Variants in XKR4 observed in about 807,000 individuals in gnomAD.
XKR4 encodes the protein XK related 4.
Under a neutral mutation model 53.9 loss-of-function variants are expected in XKR4, and 12 were observed. The ratio of observed to expected loss-of-function variants is 0.22; its 90% CI spans 0.14 to 0.36. The LOEUF (loss-of-function observed/expected upper bound fraction) is 0.36, where lower values mean the gene tolerates loss of function less well. Among genes scored for constraint, XKR4 ranks in the 10% least tolerant of loss-of-function variants. XKR4 has a pLI of 1.00. For missense variants in XKR4, 799 were observed against 859.5 expected (o/e 0.93, Z 0.88); for synonymous variants, 354 against 362.4 (o/e 0.98, Z 0.26).
intron 1 of XKR4, among the ~76,000 whole-genome samples, chr8:55,278,672 T>G (rs58337733): frequency 0.23 from 35,050 of 152,104 alleles, 4,413 homozygotes; most frequent in East Asian, 0.48. Flanking sequence ...TGTCATAATT[T>G]TATAAAATAT....
At chr8:55,451,530 T>C in intron 2 of XKR4, 1 of 1,031,766 alleles carries the variant, frequency 9.7e-7, no homozygotes, top group South Asian at 1.4e-5. Context: ...AGAGTCCGAC[T>C]ACACCTATGC....
chr8:55,355,359 C>T (rs999149449), intron 1 of XKR4, among the ~76,000 whole-genome samples: 25 of 152,048 alleles, frequency 1.6e-4, no homozygotes, highest in African/African-American at 6.0e-4. Flanking sequence ...TCAAAAGAAA[C>T]TGTTAGACAC....
chr8:55,112,685 T>C (rs1160477245), intron 1 of XKR4, among the ~76,000 whole-genome samples: 4 of 147,940 alleles, frequency 2.7e-5, no homozygotes, highest in African/African-American at 9.9e-5. Context: ...GTTCATGGCA[T>C]AGTCACTGTA....
At position 55,523,523 on chromosome 8, in the gene XKR4, G is replaced by C. The variant is rs761395206; in HGVS notation, c.1249G>C (p.Val417Leu). The C allele has an allele frequency of 6.2e-7, 1 of 1,614,018 alleles. No homozygotes were observed. Among genetic ancestry groups the C allele is most frequent in the Non-Finnish European group, 8.5e-7 (1 of 1,180,028 alleles). The part of the protein sequence containing the change: ...LHWCIMTFWI[V>L]HCETEFCITK... The stretch of plus-strand genomic sequence containing the variant: ...CTGGTGCATCATGACCTTCTGGATC[G>C]TCCACTGTGAGACAGAATTCTGTAT... Residue 417 changes from valine to leucine, a missense_variant, in exon 3 of 3, where the codon GTC becomes CTC. Transcript: ENST00000327381.
chr8:55,493,674 G>A (rs1330865640), intron 2 of XKR4, among the ~76,000 whole-genome samples: 2 of 152,172 alleles, frequency 1.3e-5, no homozygotes, highest in Admixed American at 6.5e-5. Context: ...AATAACTGTG[G>A]TTTCTGTTAT....
At chr8:55,504,507 T>C (rs938865148) in intron 2 of XKR4, among the ~76,000 whole-genome samples, 8 of 152,018 alleles carry the variant, frequency 5.3e-5, no homozygotes, top group Admixed American at 2.0e-4. Flanking sequence ...GAGCCACCGT[T>C]CCCAGCTGTA....
Position 55,478,724 on chromosome 8 carries a change from A to G in XKR4, c.1007-44557A>G, listed in dbSNP as rs562725882. On this transcript the variant is annotated intron_variant, in intron 2 of 2. Transcript: ENST00000327381. ...AGGAAGATCTACCAAGCAAATGGAA[A>G]ACAAAAAAAGGCAGGGGTTGCAATC... is the stretch of plus-strand genomic sequence containing the variant. Among the ~76,000 whole-genome samples, 265 of 152,272 alleles carry G rather than the reference A, an allele frequency of 1.7e-3. 3 individuals are homozygous for G. The highest frequency in any genetic ancestry group is 6.1e-3 in the African/African-American group (255 of 41,506).
chr8:55,356,270 AAG>A (rs2129384204), intron 1 of XKR4, among the ~76,000 whole-genome samples: 1 of 152,322 alleles, frequency 6.6e-6, no homozygotes, highest in Admixed American at 6.5e-5. Flanking sequence ...TTCCTGATGA[AAG>A]TACACAATAT....
chr8:55,337,846 C>G (rs572952812), intron 1 of XKR4, among the ~76,000 whole-genome samples: 2 of 152,276 alleles, frequency 1.3e-5, no homozygotes, highest in South Asian at 4.1e-4. Flanking sequence ...AAGTAGTTTT[C>G]TTATTCTTGA....
chr8:55,379,232 A>T (rs1303138048), intron 2 of XKR4, among the ~76,000 whole-genome samples: 5 of 152,182 alleles, frequency 3.3e-5, no homozygotes, highest in Non-Finnish European at 7.3e-5. Context: ...GCAAAATATC[A>T]ACATAATGCA....
At chr8:55,308,559 G>A (rs75975239) in intron 1 of XKR4, among the ~76,000 whole-genome samples, 19 of 149,088 alleles carry the variant, frequency 1.3e-4, no homozygotes, top group South Asian at 6.4e-4. Flanking sequence ...CCCTTGACAC[G>A]TGGATATTAT....
chr8:55,138,136 T>C (rs1328815835), intron 1 of XKR4, among the ~76,000 whole-genome samples: 2 of 152,080 alleles, frequency 1.3e-5, no homozygotes, highest in African/African-American at 4.8e-5. Flanking sequence ...CCAAAGCAAA[T>C]GTCCGTTCAT....
At chr8:55,245,395 C>T (rs1425823506) in intron 1 of XKR4, among the ~76,000 whole-genome samples, 1 of 151,964 alleles carries the variant, frequency 6.6e-6, no homozygotes, top group Non-Finnish European at 1.5e-5. Flanking sequence ...GGGAAAATTA[C>T]ATATATATTT....
At chr8:55,314,433 G>A (rs926313840) in intron 1 of XKR4, among the ~76,000 whole-genome samples, 2 of 152,064 alleles carry the variant, frequency 1.3e-5, no homozygotes, top group South Asian at 2.1e-4. Context: ...CTGGGGCACC[G>A]ACCTCAAGGA....
chr8:55,110,302 A>G (rs1010343848), intron 1 of XKR4, among the ~76,000 whole-genome samples: 2 of 152,160 alleles, frequency 1.3e-5, no homozygotes, highest in South Asian at 2.1e-4. Context: ...CCTCATCCCA[A>G]CAACATGATG....
intron 1 of XKR4, among the ~76,000 whole-genome samples, chr8:55,247,270 T>A (rs1220127370): frequency 6.6e-6 from 1 of 152,164 alleles, no homozygotes; most frequent in African/African-American, 2.4e-5. Flanking sequence ...TTTCCTATAA[T>A]CATCTAGGAG....
At chr8:55,131,083 C>T (rs1183543580) in intron 1 of XKR4, among the ~76,000 whole-genome samples, 8 of 151,900 alleles carry the variant, frequency 5.3e-5, no homozygotes, top group South Asian at 2.1e-4. Flanking sequence ...CACTTGAACC[C>T]GGGAGGCGGA....
chr8:55,527,113 G>A lies in XKR4; in HGVS notation c.*2886G>A, dbSNP rs1159541659. ...CACTACACTGCCATCAGACTGTTGTGGTAATAACAACTTTTACTTGTTTTC... is the reference window on the plus strand; with the variant it reads ...CACTACACTGCCATCAGACTGTTGTAGTAATAACAACTTTTACTTGTTTTC... On this transcript the variant is annotated 3_prime_UTR_variant, in exon 3 of 3. Transcript: ENST00000327381. The A allele has an allele frequency of 5.3e-5, 8 of 152,040 alleles. No homozygotes were observed. The highest frequency in any genetic ancestry group is 1.5e-4 in the African/African-American group (6 of 41,376). 9.4% of individuals were successfully genotyped at this position (152,040 alleles called of 1,614,324 possible).
At chr8:55,308,754 C>T (rs1429694113) in intron 1 of XKR4, among the ~76,000 whole-genome samples, 1 of 152,164 alleles carries the variant, frequency 6.6e-6, no homozygotes, top group East Asian at 1.9e-4. Context: ...GGAATCAGCC[C>T]AGACATCCTT....
Sources: allele counts gnomAD v4.1 joint callset (sites outside exome capture counted in the v4.1 genomes callset), GRCh38; gene constraint gnomAD v4.1.1; transcripts MANE v1.5; gene names NCBI Gene and HGNC (gene_info 2026-07-23, HGNC 2026-07-21).